The following PRKDC variants were observed in gnomAD, a reference collection of about 807,000 sequenced individuals.
PRKDC encodes the protein protein kinase, DNA-activated, catalytic subunit, also known as DNA-dependent protein kinase catalytic subunit.
In PRKDC, 82 loss-of-function variants were observed where a neutral mutation model predicts 486.9. The ratio of observed to expected loss-of-function variants is 0.17; its 90% CI spans 0.14 to 0.20. The LOEUF (loss-of-function observed/expected upper bound fraction) is 0.20, where lower values mean the gene tolerates loss of function less well. Ranked by LOEUF, PRKDC falls within the 10% of genes least tolerant of loss-of-function variation. PRKDC has a pLI of 1.00. For missense variants in PRKDC, 4,504 were observed against 5,038.2 expected (o/e 0.89, Z 3.21); for synonymous variants, 1,895 against 1,837.0 (o/e 1.03, Z -0.81).
chr8:47,858,292 GA>G (rs779308952), intron 48 of PRKDC, among the ~76,000 whole-genome samples: 1 of 151,836 alleles, frequency 6.6e-6, no homozygotes, highest in Non-Finnish European at 1.5e-5. Context: ...CACGAGAGGT[GA>G]ATTTACATAT....
In PRKDC at chr8:47,820,817, G is replaced by A; in HGVS notation, c.9238C>T (p.Leu3080Phe). Residue 3080 changes from leucine (L) to phenylalanine (F), a missense_variant, in exon 66 of 86, where the codon CTT (leucine) becomes TTT (phenylalanine). Physicochemically the swap from Leu to Phe is conservative, Grantham distance 22. Transcript: ENST00000314191. ...HGELQKAILE[L>F]HYSQELSLLY... ...AGACTCAGCTCTTGACTGTAATGAAGCTCTAGAATCGCCTTCTGGAGCTCC... is the reference window on the plus strand; with the variant it reads ...AGACTCAGCTCTTGACTGTAATGAAACTCTAGAATCGCCTTCTGGAGCTCC... 4 of 1,613,438 alleles carry A rather than the reference G, an allele frequency of 2.5e-6. No individual in the cohort carries two copies. The highest frequency in any genetic ancestry group is 3.4e-6 in the Non-Finnish European group (4 of 1,179,588).
intron 51 of PRKDC, among the ~76,000 whole-genome samples, chr8:47,853,249 T>C (rs375830778): frequency 2.0e-4 from 30 of 152,326 alleles, no homozygotes; most frequent in Admixed American, 2.0e-4. Context: ...GTTATCCCAG[T>C]GTAGAAGCCA....
chr8:47,782,726 C>A lies in PRKDC; in HGVS notation c.11176-128G>T, dbSNP rs992276733. 7.7e-6 allele frequency: 8 copies of A among 1,033,944 alleles called. No individual in the cohort carries two copies. In the East Asian group the frequency reaches 1.3e-4, roughly 17 times the overall value. 64.0% of individuals were successfully genotyped at this position (1,033,944 alleles called of 1,614,324 possible). On this transcript the variant is annotated intron_variant, in intron 78 of 85. Coordinates refer to ENST00000314191, the MANE Select transcript of PRKDC (RefSeq NM_006904.7). This position sits in a 1 kb window ranked among gnomAD's most constrained non-coding sequence, Gnocchi z 4.9. ...CTGAAGACAGTGCCAAAGAGCAGAG[C>A]GCCCAGGCCAGCAACGAATTTCTGC...
chr8:47,918,637 G>A (rs1388640504), intron 21 of PRKDC, among the ~76,000 whole-genome samples: 1 of 152,206 alleles, frequency 6.6e-6, no homozygotes, highest in Non-Finnish European at 1.5e-5. Context: ...CATGGAGCAG[G>A]AGTGGCTCCC....
rs376199818 is a variant in PRKDC at position 47,936,419 on chromosome 8, G to A, written c.1212C>T (p.Asp404=). 220 of 1,613,828 alleles carry A rather than the reference G, an allele frequency of 1.4e-4. No individual in the cohort carries two copies. Among genetic ancestry groups the A allele is most frequent in the Admixed American group, 2.5e-4 (15 of 59,992 alleles). Residue 404 remains aspartate (D), a synonymous_variant, in exon 12 of 86, where the codon GAC becomes GAT. Coordinates refer to ENST00000314191, the MANE Select transcript of PRKDC (RefSeq NM_006904.7). ...QMFLTQTDTG[D]DRVYQMPSFL... The stretch of plus-strand genomic sequence containing the variant: ...AGCTTGGCATCTGATAAACACGGTC[G>A]TCACCAGTGTCTGTCTGGGTGAGGA...
intron 7 of PRKDC, among the ~76,000 whole-genome samples, chr8:47,945,470 C>CT (rs2154504239): frequency 1.3e-5 from 2 of 152,326 alleles, no homozygotes; most frequent in South Asian, 4.1e-4. Context: ...TCTGACTACT[C>CT]TAAGTACCTC....
In PRKDC at chr8:47,859,629, A is replaced by G. The variant is rs558642122; in HGVS notation, c.6189T>C (p.Thr2063=). 2.5e-6 allele frequency: 4 copies of G among 1,610,330 alleles called. No homozygotes were observed. The highest frequency in any genetic ancestry group is 1.7e-5 in the Admixed American group (1 of 58,960). ...TGATCACCCGTCTCCGAAAACGACC[A>G]GTGGCAGGTCTAGGGTCTTGGGAGC... ...SYSSQDPRPA[T]GRFRRREQRD... is the part of the protein sequence containing the mutation. The change falls in exon 46 of 86, where the codon ACT becomes ACC. Residue 2063 remains threonine, a synonymous_variant. Transcript: ENST00000314191.
chr8:47,865,682 C>G (rs1490166071), intron 40 of PRKDC, among the ~76,000 whole-genome samples: 1 of 151,938 alleles, frequency 6.6e-6, no homozygotes, highest in African/African-American at 2.4e-5. Context: ...CAGAAAGTAA[C>G]TCAGTCATAA....
intron 68 of PRKDC, among the ~76,000 whole-genome samples, chr8:47,815,512 T>G (rs1589715864): frequency 6.6e-6 from 1 of 152,310 alleles, no homozygotes; most frequent in East Asian, 1.9e-4. Flanking sequence ...GAGCCTGATT[T>G]GTTAGCTTAA....
chr8:47,812,162 C>G (rs72646401), intron 68 of PRKDC, among the ~76,000 whole-genome samples: 26,814 of 152,030 alleles, frequency 0.18, 4,061 homozygotes, highest in African/African-American at 0.39. Context: ...GAAGTAAAGG[C>G]AGAAACAGAC....
At chr8:47,879,841 T>G (rs986461480) in intron 38 of PRKDC, among the ~76,000 whole-genome samples, 183 bp from the exon 39 acceptor site, 3 of 142,052 alleles carry the variant, frequency 2.1e-5, no homozygotes, top group Non-Finnish European at 4.6e-5. Flanking sequence ...CAGCTTTTTT[T>G]TTTTTTTTTT....
At chr8:47,919,528 C>T (rs887978253) in intron 21 of PRKDC, among the ~76,000 whole-genome samples, 2 of 152,210 alleles carry the variant, frequency 1.3e-5, no homozygotes, top group Admixed American at 6.5e-5. Flanking sequence ...ACTGACACAG[C>T]CAGGTGAGCT....
intron 40 of PRKDC, among the ~76,000 whole-genome samples, chr8:47,866,672 T>G (rs573215595): frequency 6.6e-6 from 1 of 152,284 alleles, no homozygotes; most frequent in Non-Finnish European, 1.5e-5. Flanking sequence ...GGAAAAAATC[T>G]GAATGTTTCA....
chr8:47,823,146 C>T (rs1475269016), intron 64 of PRKDC, among the ~76,000 whole-genome samples: 1 of 151,798 alleles, frequency 6.6e-6, no homozygotes, highest in Non-Finnish European at 1.5e-5. Context: ...CCAGCCTGGG[C>T]AACATAGTGA....
intron 54 of PRKDC, among the ~76,000 whole-genome samples, chr8:47,846,743 T>C (rs1589738528): frequency 6.6e-6 from 1 of 152,350 alleles, no homozygotes; most frequent in African/African-American, 2.4e-5. Context: ...TATGATTCTA[T>C]ACCCAGAAAA....
intron 7 of PRKDC, among the ~76,000 whole-genome samples, chr8:47,951,544 C>T (rs1018638535): frequency 2.0e-5 from 3 of 151,954 alleles, no homozygotes; most frequent in African/African-American, 7.3e-5. Flanking sequence ...GGCAATAAGG[C>T]AAGACCGTGT....
At chr8:47,938,753 G>A (rs2090394030) in intron 11 of PRKDC, among the ~76,000 whole-genome samples, 1 of 152,046 alleles carries the variant, frequency 6.6e-6, no homozygotes, top group Non-Finnish European at 1.5e-5. Context: ...GTACAGACAG[G>A]GTTTTACCAC....
At chr8:47,927,460 T>A in intron 20 of PRKDC, 107 bp from the exon 21 acceptor site, 2 of 1,283,448 alleles carry the variant, frequency 1.6e-6, no homozygotes, top group Non-Finnish European at 2.1e-6. Flanking sequence ...TTTTTATTAC[T>A]GGATGCCCGA....
chr8:47,932,106 C>A (rs1367688533), intron 16 of PRKDC, among the ~76,000 whole-genome samples: 1 of 146,808 alleles, frequency 6.8e-6, no homozygotes, highest in Non-Finnish European at 1.5e-5. Flanking sequence ...TGTTTTGAGA[C>A]AGAGTCTCGC....
Sources: gnomAD v4.1 joint callset for allele counts (sites outside exome capture counted in the v4.1 genomes callset) on GRCh38, gnomAD v4.1.1 for gene constraint, Gnocchi (gnomAD v3.1) non-coding constraint, MANE v1.5 for transcripts, NCBI Gene and HGNC (gene_info 2026-07-23, HGNC 2026-07-21) for gene names.